Variants in RABGAP1L observed in about 807,000 individuals in gnomAD.
RABGAP1L encodes RAB GTPase activating protein 1 like, also known as rab GTPase-activating protein 1-like.
RABGAP1L carries 63 observed loss-of-function variants against 137.7 expected under a neutral mutation model. That is an observed-to-expected ratio of 0.46 (90% CI 0.37 to 0.56). The LOEUF is 0.56. Ranked by LOEUF, RABGAP1L falls within the 20% of genes least tolerant of loss-of-function variation. The probability of loss-of-function intolerance (pLI) is 0.00; values close to 1 mark genes in which losing one functional copy is unlikely to be tolerated. For missense variants in RABGAP1L, 1,095 were observed against 1,244.0 expected (o/e 0.88, Z 1.80); for synonymous variants, 431 against 433.7 (o/e 0.99, Z 0.08).
At chr1:174,456,181 G>A (rs992051838) in intron 13 of RABGAP1L, among the ~76,000 whole-genome samples, 1 of 152,000 alleles carries the variant, frequency 6.6e-6, no homozygotes, top group Non-Finnish European at 1.5e-5. Context: ...TTAATCAGAT[G>A]TATTATCAGG....
intron 15 of RABGAP1L, among the ~76,000 whole-genome samples, chr1:174,691,047 G>C (rs1412303166): frequency 6.6e-6 from 1 of 151,866 alleles, no homozygotes; most frequent in African/African-American, 2.4e-5. Flanking sequence ...GGCCAGCCTG[G>C]TCTCGAACTC....
chr1:174,636,722 A>G (rs1338104374), intron 13 of RABGAP1L, among the ~76,000 whole-genome samples: 4 of 152,204 alleles, frequency 2.6e-5, no homozygotes, highest in Non-Finnish European at 4.4e-5. Context: ...TGAGAAATAC[A>G]TACTCTACTA....
intron 13 of RABGAP1L, among the ~76,000 whole-genome samples, chr1:174,577,098 C>T (rs1279886307): frequency 6.6e-6 from 1 of 151,860 alleles, no homozygotes; most frequent in Non-Finnish European, 1.5e-5. Flanking sequence ...GTAAGGAGGA[C>T]CCCTTAAGCC....
intron 17 of RABGAP1L, among the ~76,000 whole-genome samples, chr1:174,751,506 A>G (rs895617022): frequency 1.3e-5 from 2 of 152,216 alleles, no homozygotes; most frequent in African/African-American, 4.8e-5. Flanking sequence ...CTTATGTATG[A>G]TGACTTGCAT....
chr1:174,196,037 G>A (rs1264108409), intron 1 of RABGAP1L, among the ~76,000 whole-genome samples: 3 of 150,546 alleles, frequency 2.0e-5, no homozygotes, highest in African/African-American at 4.9e-5. Flanking sequence ...GGGTTTCACC[G>A]TTTTAGCCAG....
intron 17 of RABGAP1L, among the ~76,000 whole-genome samples, chr1:174,722,374 C>G (rs1158730462): frequency 6.6e-6 from 1 of 151,900 alleles, no homozygotes; most frequent in Non-Finnish European, 1.5e-5. Flanking sequence ...GTAAGATGTA[C>G]GAAAAGTACT....
chr1:174,906,793 G>A (rs1659163108), intron 19 of RABGAP1L, among the ~76,000 whole-genome samples: 1 of 151,710 alleles, frequency 6.6e-6, no homozygotes, highest in Non-Finnish European at 1.5e-5. Context: ...CAAGAGAAAA[G>A]AAGTAAATAA....
intron 13 of RABGAP1L, among the ~76,000 whole-genome samples, chr1:174,500,079 T>C (rs1354210033): frequency 6.7e-6 from 1 of 150,258 alleles, no homozygotes; most frequent in Non-Finnish European, 1.5e-5. Context: ...GCAGGCTTCT[T>C]CTTTTTTTTT....
intron 13 of RABGAP1L, among the ~76,000 whole-genome samples, chr1:174,598,987 C>T (rs758612345): frequency 6.6e-6 from 1 of 151,910 alleles, no homozygotes; most frequent in Non-Finnish European, 1.5e-5. Context: ...TTCTCCCTCC[C>T]TCCCTCCCTT....
intron 13 of RABGAP1L, among the ~76,000 whole-genome samples, chr1:174,598,746 A>G (rs531162640): frequency 7.2e-5 from 11 of 152,088 alleles, no homozygotes; most frequent in East Asian, 1.9e-4. Context: ...TTTCATTTGC[A>G]TGGAATATCT....
chr1:174,707,101 C>A (rs540273025), intron 17 of RABGAP1L, among the ~76,000 whole-genome samples: 1 of 152,260 alleles, frequency 6.6e-6, no homozygotes, highest in African/African-American at 2.4e-5. Context: ...TTAGGATGCA[C>A]ATACATTCAG....
chr1:174,988,460 G>A (rs546163664), intron 24 of RABGAP1L, among the ~76,000 whole-genome samples, 181 bp from the exon 25 acceptor site: 7 of 152,252 alleles, frequency 4.6e-5, no homozygotes, highest in East Asian at 1.9e-4. Context: ...AGGAGCACCC[G>A]TCTTGGATAG....
intron 18 of RABGAP1L, among the ~76,000 whole-genome samples, chr1:174,796,281 A>G (rs952924328): frequency 6.6e-6 from 1 of 152,174 alleles, no homozygotes; most frequent in African/African-American, 2.4e-5. Context: ...CCTGGGTAAC[A>G]CAGCAAGACG....
chr1:174,416,019 C>CATATATATATATATATATATAT lies in RABGAP1L; in HGVS notation c.1710+21891_1710+21892insTATATATATATATATATATATA, dbSNP rs143285036. On this transcript the variant is annotated intron_variant, in intron 13 of 25. Coordinates refer to ENST00000681986, the MANE Select transcript of RABGAP1L (RefSeq NM_001366446.1). ...TTAAGGAATTTCCCTAGAAAATTTA[C>CATATATATATATATATATATAT]ATATATATATATATATACACACACA... is the stretch of plus-strand genomic sequence containing the variant. Among the ~76,000 whole-genome samples the CATATATATATATATATATATAT allele has an allele frequency of 7.0e-3, 905 of 128,756 alleles. 25 individuals are homozygous for CATATATATATATATATATATAT. The highest frequency in any genetic ancestry group is 0.014 in the African/African-American group (370 of 27,264). The allele number at this position is 128,756 out of a possible 152,430, so 84.5% of individuals were successfully genotyped here.
At position 174,683,549 on chromosome 1, in the gene RABGAP1L, G is replaced by A. The variant is rs1678244679; in HGVS notation, c.1852G>A (p.Gly618Arg). 1 of 1,607,296 alleles carries A rather than the reference G, an allele frequency of 6.2e-7. No homozygotes were observed. The highest frequency in any genetic ancestry group is 1.3e-5 in the African/African-American group (1 of 74,820). Residue 618 changes from glycine (G) to arginine (R), a missense_variant, in exon 15 of 26, where the codon GGG (glycine) becomes AGG (arginine). Around this residue, in one of 4 missense-constraint regions of RABGAP1L, gnomAD observed 315 missense variants for 324.8 expected, o/e 0.97. Transcript: ENST00000681986. ...KAYSVYDEDI[G>R]YCQGQSFLAA... The stretch of plus-strand genomic sequence containing the variant: ...CTACTCTGTGTATGATGAAGACATT[G>A]GGTACTGTCAAGGGCAGTCTTTTCT...
chr1:174,642,813 C>G (rs77248210), intron 14 of RABGAP1L, among the ~76,000 whole-genome samples: 20,470 of 140,582 alleles, frequency 0.15, 4,869 homozygotes, highest in African/African-American at 0.5. Flanking sequence ...TCTTCGGGGT[C>G]TTGTTCTGTT....
chr1:174,958,126 A>C, intron 20 of RABGAP1L: 1 of 1,498,090 alleles, frequency 6.7e-7, no homozygotes, highest in Non-Finnish European at 8.9e-7. Context: ...TCTGTAGAAA[A>C]TGTTAAAAAT....
chr1:174,354,229 A>G (rs1683427296), intron 11 of RABGAP1L, among the ~76,000 whole-genome samples: 1 of 149,448 alleles, frequency 6.7e-6, no homozygotes, highest in Admixed American at 6.6e-5. Flanking sequence ...CTCTTCCACC[A>G]CTTTGCTTCT....
chr1:174,861,000 G>T (rs1227238544), intron 19 of RABGAP1L, among the ~76,000 whole-genome samples: 1 of 152,044 alleles, frequency 6.6e-6, no homozygotes, highest in African/African-American at 2.4e-5. Context: ...ATACAGTAGA[G>T]TATCATGAAC....
Sources: gnomAD v4.1 joint callset for allele counts (sites outside exome capture counted in the v4.1 genomes callset) on GRCh38, gnomAD v4.1.1 for gene constraint, gnomAD v4.1.1 regional missense constraint, MANE v1.5 for transcripts, NCBI Gene and HGNC (gene_info 2026-07-23, HGNC 2026-07-21) for gene names.